CHSY3: variants seen among roughly 807,000 people sequenced by gnomAD.
The protein encoded by CHSY3 is chondroitin sulfate synthase 3.
CHSY3 carries 35 observed loss-of-function variants against 67.2 expected under a neutral mutation model. The ratio of observed to expected loss-of-function variants is 0.52; its 90% confidence interval spans 0.40 to 0.69. The LOEUF is 0.69. CHSY3 is among the 30% of genes least tolerant of loss of function. The pLI is 0.00. For synonymous variants in CHSY3, 474 were observed against 434.7 expected (o/e 1.09, Z -1.12); for missense variants, 1,069 against 1,138.5 (o/e 0.94, Z 0.88).
At chr5:130,135,306 G>A (rs1432093174) in intron 2 of CHSY3, among the ~76,000 whole-genome samples, 3 of 151,542 alleles carry the variant, frequency 2.0e-5, no homozygotes, top group Non-Finnish European at 4.4e-5. Context: ...ACCCTGTGCT[G>A]TACTTTAGTT....
chr5:130,128,283 C>T (rs1053864183), intron 2 of CHSY3, among the ~76,000 whole-genome samples: 8 of 150,382 alleles, frequency 5.3e-5, no homozygotes, highest in East Asian at 3.9e-4. Context: ...TGCACATCTA[C>T]GCATATATAC....
intron 2 of CHSY3, among the ~76,000 whole-genome samples, chr5:130,058,697 C>CGAA (rs1561517333): frequency 6.6e-6 from 1 of 152,176 alleles, no homozygotes; most frequent in Non-Finnish European, 1.5e-5. Context: ...TTTCTATTTT[C>CGAA]AGCTATCAGT....
intron 2 of CHSY3, among the ~76,000 whole-genome samples, chr5:130,118,839 C>T (rs971428716): frequency 6.6e-6 from 1 of 151,960 alleles, no homozygotes; most frequent in East Asian, 1.9e-4. Flanking sequence ...TGTCATTAAG[C>T]GAGGCTACAG....
intron 2 of CHSY3, among the ~76,000 whole-genome samples, chr5:129,990,356 C>A (rs1357699816): frequency 7.2e-6 from 1 of 138,328 alleles, no homozygotes; most frequent in African/African-American, 2.8e-5. Flanking sequence ...AGGAATGGGG[C>A]TGAAGTGGTG....
intron 2 of CHSY3, among the ~76,000 whole-genome samples, chr5:130,177,418 G>A (rs933468040): frequency 6.6e-6 from 1 of 151,616 alleles, no homozygotes; most frequent in Admixed American, 6.6e-5. Context: ...TCTCTGCTTG[G>A]GAATAACAAA....
rs1365251025 is a variant in CHSY3 at position 130,184,513 on chromosome 5, T to C, written c.1371T>C (p.Pro457=). The C allele has an allele frequency of 6.2e-7, 1 of 1,611,452 alleles. No homozygotes were observed. The highest frequency in any genetic ancestry group is 8.5e-7 in the Non-Finnish European group (1 of 1,177,654). ...GVIPSFNHFQ[P]RERNEVIEWE... The stretch of plus-strand genomic sequence containing the variant: ...TACCTTCTTTCAACCACTTCCAGCC[T>C]CGGGAGAGAAATGAAGTGATAGAAT... Residue 457 remains proline, a synonymous_variant, in exon 3 of 3, where the codon CCT becomes CCC. Coordinates refer to ENST00000305031, the MANE Select transcript of CHSY3 (RefSeq NM_175856.5).
intron 2 of CHSY3, among the ~76,000 whole-genome samples, chr5:129,923,782 A>C (rs1466026537): frequency 1.3e-5 from 2 of 152,186 alleles, no homozygotes; most frequent in African/African-American, 4.8e-5. Flanking sequence ...AGAGGAAAAA[A>C]CATGGGATAT....
rs999817040 is a variant in CHSY3, at chr5:130,185,887, A to G, written c.*96A>G. The G allele has an allele frequency of 1.6e-6, 1 of 636,964 alleles. No homozygotes were observed. The highest frequency in any genetic ancestry group is 3.4e-5 in the East Asian group (1 of 29,160). The allele number at this position is 636,964 out of a possible 1,614,324, so 39.5% of individuals were successfully genotyped here. A position where few individuals can be genotyped will look rare whatever the true frequency, so the allele number is the denominator to read the frequency against. ...GTATTATTGTTATTTTATTATTATTATTGTTATAATTTTATTTTGTTGTCC... is the reference window on the plus strand; with the variant it reads ...GTATTATTGTTATTTTATTATTATTGTTGTTATAATTTTATTTTGTTGTCC... On this transcript the variant is annotated 3_prime_UTR_variant, in exon 3 of 3. Coordinates refer to ENST00000305031, the MANE Select transcript of CHSY3 (RefSeq NM_175856.5).
chr5:129,995,939 C>G (rs1763525942), intron 2 of CHSY3, among the ~76,000 whole-genome samples: 2 of 152,130 alleles, frequency 1.3e-5, no homozygotes, highest in South Asian at 4.2e-4. Flanking sequence ...TTCCATCTCT[C>G]TCTTCCTCTC....
chr5:130,030,681 A>G (rs886527787), intron 2 of CHSY3, among the ~76,000 whole-genome samples: 4 of 152,124 alleles, frequency 2.6e-5, no homozygotes, highest in Non-Finnish European at 2.9e-5. Flanking sequence ...CATTTTTGGA[A>G]TACTAGTAAA....
rs1762717138 is a variant in CHSY3 at position 129,973,931 on chromosome 5, T to C, written c.1086+65571T>C. Among the ~76,000 whole-genome samples, 3 of 152,142 alleles carry C rather than the reference T, an allele frequency of 2.0e-5. 1 individual carries two copies. The highest frequency in any genetic ancestry group is 2.0e-4 in the Admixed American group (3 of 15,258). On this transcript the variant is annotated intron_variant, in intron 2 of 2. Transcript: ENST00000305031. ...TGTGTTTTCTCCTAGAATGACATGCTATTACACAACCTCATGATTTTTCAT... is the reference window on the plus strand; with the variant it reads ...TGTGTTTTCTCCTAGAATGACATGCCATTACACAACCTCATGATTTTTCAT...
intron 2 of CHSY3, among the ~76,000 whole-genome samples, chr5:130,059,599 T>A (rs1197436470): frequency 2.0e-5 from 3 of 152,124 alleles, no homozygotes; most frequent in Non-Finnish European, 2.9e-5. Flanking sequence ...ACTCTTTATC[T>A]ATCTGAAAAA....
chr5:130,004,046 T>C (rs1763806561), intron 2 of CHSY3, among the ~76,000 whole-genome samples: 1 of 152,222 alleles, frequency 6.6e-6, no homozygotes, highest in Admixed American at 6.5e-5. Context: ...GAAAATGTTC[T>C]GAAACATTCA....
At chr5:129,955,624 G>T (rs1287831861) in intron 2 of CHSY3, among the ~76,000 whole-genome samples, 2 of 151,790 alleles carry the variant, frequency 1.3e-5, no homozygotes, top group Non-Finnish European at 2.9e-5. Flanking sequence ...ATGTCATGAG[G>T]GTTTGTTGTG....
At chr5:129,990,133 T>G (rs1340429799) in intron 2 of CHSY3, among the ~76,000 whole-genome samples, 2 of 152,258 alleles carry the variant, frequency 1.3e-5, no homozygotes, top group East Asian at 3.9e-4. Context: ...TTCAATGTAT[T>G]AAAAAACACT....
At chr5:130,034,006 G>T (rs1301166700) in intron 2 of CHSY3, among the ~76,000 whole-genome samples, 1 of 152,136 alleles carries the variant, frequency 6.6e-6, no homozygotes, top group African/African-American at 2.4e-5. Context: ...AGTGAATTTT[G>T]TAGGAAAGGG....
chr5:129,981,168 C>T (rs1003205844), intron 2 of CHSY3, among the ~76,000 whole-genome samples: 3 of 151,758 alleles, frequency 2.0e-5, no homozygotes, highest in African/African-American at 4.8e-5. Flanking sequence ...TTGCAGTGAG[C>T]CGAGATTGCG....
At chr5:129,947,828 C>T (rs972854079) in intron 2 of CHSY3, among the ~76,000 whole-genome samples, 4 of 152,100 alleles carry the variant, frequency 2.6e-5, no homozygotes, top group Non-Finnish European at 5.9e-5. Context: ...GAGGTGAAAT[C>T]TTGTGGTTTT....
intron 2 of CHSY3, among the ~76,000 whole-genome samples, chr5:129,950,993 A>G (rs566096599): frequency 8.5e-5 from 13 of 152,320 alleles, no homozygotes; most frequent in African/African-American, 2.9e-4. Context: ...TTCAAATTAT[A>G]TTACACAGCT....
Sources: gnomAD v4.1 joint callset for allele counts (sites outside exome capture counted in the v4.1 genomes callset) on GRCh38, gnomAD v4.1.1 for gene constraint, MANE v1.5 for transcripts, NCBI Gene and HGNC (gene_info 2026-07-23, HGNC 2026-07-21) for gene names.